Variants in BRINP1 observed in about 807,000 individuals in gnomAD.
BRINP1 encodes the protein BMP/retinoic acid inducible neural specific 1, also known as BMP/retinoic acid-inducible neural-specific protein 1.
BRINP1 carries 17 observed loss-of-function variants against 72.9 expected under a neutral mutation model. That is an observed-to-expected ratio of 0.23 (90% CI 0.16 to 0.35). The LOEUF is 0.35. Ranked by LOEUF, BRINP1 falls within the 10% of genes least tolerant of loss-of-function variation. The pLI is 1.00. For missense variants in BRINP1, 850 were observed against 1,001.6 expected (o/e 0.85, Z 2.04); for synonymous variants, 418 against 378.5 (o/e 1.10, Z -1.21).
intron 2 of BRINP1, among the ~76,000 whole-genome samples, chr9:119,274,824 A>C (rs1423063551): frequency 6.6e-6 from 1 of 152,180 alleles, no homozygotes; most frequent in East Asian, 1.9e-4. Context: ...TGCAGCACTT[A>C]GCTTGGAGGA....
At chr9:119,249,272 T>C (rs1348504616) in intron 2 of BRINP1, 122 bp from the exon 3 acceptor site, 3 of 817,256 alleles carry the variant, frequency 3.7e-6, no homozygotes, top group Non-Finnish European at 3.7e-6. Flanking sequence ...TTTTAATATG[T>C]GTCAAGTGAT....
At chr9:119,249,973 G>A (rs1208249794) in intron 2 of BRINP1, among the ~76,000 whole-genome samples, 2 of 131,328 alleles carry the variant, frequency 1.5e-5, no homozygotes, top group Non-Finnish European at 3.2e-5. Context: ...AGGGAGGGAG[G>A]GAAGAAGGAA....
intron 3 of BRINP1, among the ~76,000 whole-genome samples, chr9:119,246,876 G>T (rs1340977039): frequency 6.6e-6 from 1 of 152,308 alleles, no homozygotes; most frequent in Admixed American, 6.5e-5. Context: ...CCACACTGAG[G>T]GCTGAGGGAA....
intron 1 of BRINP1, among the ~76,000 whole-genome samples, chr9:119,354,205 A>C (rs1831536078): frequency 6.6e-6 from 1 of 152,134 alleles, no homozygotes; most frequent in Non-Finnish European, 1.5e-5. Context: ...TCTAGTGTAG[A>C]GTTTCCTAAA....
chr9:119,351,686 G>C (rs188086475), intron 1 of BRINP1, among the ~76,000 whole-genome samples: 5 of 152,148 alleles, frequency 3.3e-5, no homozygotes, highest in Non-Finnish European at 7.3e-5. Context: ...ATGTTTAGGG[G>C]CTTATTTTCT....
chr9:119,282,701 A>T (rs1316391861), intron 2 of BRINP1, among the ~76,000 whole-genome samples: 1 of 152,210 alleles, frequency 6.6e-6, no homozygotes, highest in East Asian at 1.9e-4. Context: ...TGAAAGAAAG[A>T]GAAAGGGATT....
At chr9:119,243,052 T>C (rs1168480349) in intron 3 of BRINP1, among the ~76,000 whole-genome samples, 1 of 152,060 alleles carries the variant, frequency 6.6e-6, no homozygotes, top group African/African-American at 2.4e-5. Flanking sequence ...TATCACAAAC[T>C]GGTGCAAATT....
chr9:119,251,984 C>T (rs1830393938), intron 2 of BRINP1, among the ~76,000 whole-genome samples: 1 of 152,134 alleles, frequency 6.6e-6, no homozygotes. Context: ...CCCTCTATGT[C>T]TTTCTCTGTC....
chr9:119,191,944 T>C (rs970279061), intron 7 of BRINP1, among the ~76,000 whole-genome samples: 8 of 151,460 alleles, frequency 5.3e-5, no homozygotes, highest in Non-Finnish European at 8.9e-5. Flanking sequence ...CAGAAATAAA[T>C]CCAATCATAA....
At chr9:119,341,303 T>C (rs921557784) in intron 1 of BRINP1, among the ~76,000 whole-genome samples, 3 of 152,214 alleles carry the variant, frequency 2.0e-5, no homozygotes, top group Non-Finnish European at 2.9e-5. Context: ...TTAACCCACA[T>C]AATGAGAAAG....
At chr9:119,353,855 T>TTTTTTTTC (rs1831530151) in intron 1 of BRINP1, among the ~76,000 whole-genome samples, 1 of 81,480 alleles carries the variant, frequency 1.2e-5, no homozygotes, top group African/African-American at 4.1e-5. Flanking sequence ...TTTTTTTTTT[T>TTTTTTTTC]ACAATTTCAC....
chr9:119,292,897 G>A (rs1365823285), intron 2 of BRINP1, among the ~76,000 whole-genome samples: 1 of 152,188 alleles, frequency 6.6e-6, no homozygotes, highest in Non-Finnish European at 1.5e-5. Context: ...AGGAATGGGA[G>A]TTTAGAACCA....
At chr9:119,188,646 G>T (rs1347035984) in intron 7 of BRINP1, among the ~76,000 whole-genome samples, 1 of 152,064 alleles carries the variant, frequency 6.6e-6, no homozygotes, top group African/African-American at 2.4e-5. Context: ...GCCAAGCATG[G>T]TGGTATGTGC....
chr9:119,369,177 C>G lies in BRINP1; in HGVS notation c.-172G>C. ...CCGGGCACGGCGCGGGGACTGCAGG[C>G]GTGGGGGTACCTGGCTCCTAGCAGC... On this transcript the variant is annotated 5_prime_UTR_variant, in exon 1 of 8. Transcript: ENST00000265922. The G allele has an allele frequency of 2.5e-6, 1 of 398,762 alleles. No individual in the cohort carries two copies. Among genetic ancestry groups the G allele is most frequent in the Non-Finnish European group, 4.4e-6 (1 of 226,186 alleles). The allele number at this position is 398,762 out of a possible 1,614,324, so 24.7% of individuals were successfully genotyped here.
At chr9:119,283,310 C>T (rs1231736347) in intron 2 of BRINP1, 1 of 429,586 alleles carries the variant, frequency 2.3e-6, no homozygotes, top group Non-Finnish European at 3.1e-6. Context: ...CAGACAGACC[C>T]AGTGACTCAG....
chr9:119,184,721 A>G (rs1403406571), intron 7 of BRINP1, among the ~76,000 whole-genome samples: 1 of 152,168 alleles, frequency 6.6e-6, no homozygotes, highest in Admixed American at 6.5e-5. Context: ...GGTCCCTGTG[A>G]CAGATGAGAA....
chr9:119,257,463 T>A (rs1428777537), intron 2 of BRINP1, among the ~76,000 whole-genome samples: 1 of 152,234 alleles, frequency 6.6e-6, no homozygotes. Flanking sequence ...TTTGGAATAC[T>A]ATAATGACAT....
chr9:119,182,805 T>C (rs1321582021), intron 7 of BRINP1, among the ~76,000 whole-genome samples: 2 of 152,152 alleles, frequency 1.3e-5, no homozygotes, highest in East Asian at 3.9e-4. Flanking sequence ...CGTAAACAAC[T>C]ACAAATCAGT....
At chr9:119,315,595 A>G (rs1263959162) in intron 1 of BRINP1, among the ~76,000 whole-genome samples, 1 of 152,170 alleles carries the variant, frequency 6.6e-6, no homozygotes, top group Non-Finnish European at 1.5e-5. Flanking sequence ...AAGTGAAAGG[A>G]GGAGTCCTAC....
Sources: allele counts gnomAD v4.1 joint callset (sites outside exome capture counted in the v4.1 genomes callset), GRCh38; gene constraint gnomAD v4.1.1; transcripts MANE v1.5; gene names NCBI Gene and HGNC (gene_info 2026-07-23, HGNC 2026-07-21).